NTRK2: variants seen among roughly 807,000 people sequenced by gnomAD.
NTRK2 encodes BDNF/NT-3 growth factors receptor.
In NTRK2, 13 loss-of-function variants were observed where a neutral mutation model predicts 94.5. The observed-to-expected ratio is 0.14, with a 90% CI of 0.09 to 0.22. The LOEUF is 0.22. Ranked by LOEUF, NTRK2 falls within the 10% of genes least tolerant of loss-of-function variation. The probability of loss-of-function intolerance (pLI) is 1.00; values close to 1 mark genes in which losing one functional copy is unlikely to be tolerated. For missense variants in NTRK2, 639 were observed against 1,071.2 expected (o/e 0.60, Z 5.63); for synonymous variants, 372 against 407.4 (o/e 0.91, Z 1.05).
At chr9:84,847,239 G>A (rs550082229) in intron 12 of NTRK2, among the ~76,000 whole-genome samples, 17 of 152,308 alleles carry the variant, frequency 1.1e-4, no homozygotes, top group African/African-American at 3.8e-4. Context: ...TTGGGTGCAT[G>A]AAAGGACTCC....
rs534541903 is a variant in NTRK2, at chr9:84,706,536, T to G, written c.360-1308T>G. Among the ~76,000 whole-genome samples the G allele has an allele frequency of 6.0e-4, 77 of 129,360 alleles. 2 individuals are homozygous for G. The East Asian group carries it at 0.016, about 28-fold the overall frequency. 84.9% of individuals were successfully genotyped at this position (129,360 alleles called of 152,430 possible). On this transcript the variant is annotated intron_variant, in intron 4 of 18. Coordinates refer to ENST00000277120, the MANE Select transcript of NTRK2 (RefSeq NM_006180.6). ...GTTATTTTTTGTTTTTGTTTTTTTT[T>G]TTTTTTTTTTTGAGACGGAGTCTTG...
chr9:84,926,862 T>TGTCCTTATGATAAGAACTGTGGA (rs2077840656), intron 14 of NTRK2, among the ~76,000 whole-genome samples: 1 of 152,254 alleles, frequency 6.6e-6, no homozygotes, highest in Non-Finnish European at 1.5e-5. Context: ...TTTATTTTAA[T>TGTCCTTATGATAAGAACTGTGGA]GTCCTTATGA....
intron 17 of NTRK2, among the ~76,000 whole-genome samples, chr9:84,989,767 A>C (rs1279681339): frequency 6.6e-6 from 1 of 151,972 alleles, no homozygotes; most frequent in Non-Finnish European, 1.5e-5. Flanking sequence ...TTGCTTTGAA[A>C]ATGTCTTTTT....
intron 14 of NTRK2, among the ~76,000 whole-genome samples, chr9:84,906,266 A>C (rs2077072697): frequency 6.6e-6 from 1 of 152,142 alleles, no homozygotes; most frequent in Admixed American, 6.5e-5. Flanking sequence ...GAGATGAGGA[A>C]AAAGGGGAAG....
In NTRK2 at chr9:84,670,744, T is replaced by C. The variant is rs2058647971; in HGVS notation, c.-5T>C. On this transcript the variant is annotated 5_prime_UTR_variant, in exon 2 of 19. Coordinates refer to ENST00000277120, the MANE Select transcript of NTRK2 (RefSeq NM_006180.6). ...AGGCACTCGGGCTGGCACTGGCTGC[T>C]AGGGATGTCGTCCTGGATAAGGTGG... The C allele has an allele frequency of 6.2e-7, 1 of 1,611,974 alleles. No homozygotes were observed. Among genetic ancestry groups the C allele is most frequent in the Admixed American group, 1.7e-5 (1 of 60,002 alleles).
intron 14 of NTRK2, 40 bp downstream of exon 14, chr9:84,867,471 A>G (rs1271673748): frequency 1.3e-6 from 2 of 1,532,378 alleles, no homozygotes; most frequent in Non-Finnish European, 1.8e-6. Flanking sequence ...CATTTGCTGC[A>G]TAGCTGTATC....
intron 12 of NTRK2, among the ~76,000 whole-genome samples, chr9:84,836,130 G>A (rs1564369608): frequency 6.6e-6 from 1 of 152,174 alleles, no homozygotes; most frequent in Non-Finnish European, 1.5e-5. Context: ...TAGCCTTATG[G>A]CAGAAGTAAA....
intron 12 of NTRK2, among the ~76,000 whole-genome samples, chr9:84,843,255 T>G (rs1001656669): frequency 6.6e-6 from 1 of 152,210 alleles, no homozygotes; most frequent in African/African-American, 2.4e-5. Context: ...GTAGTTATTA[T>G]GCCTGCAGGT....
At chr9:84,854,543 TAGAG>T (rs1370139138) in intron 12 of NTRK2, among the ~76,000 whole-genome samples, 1 of 152,008 alleles carries the variant, frequency 6.6e-6, no homozygotes, top group East Asian at 1.9e-4. Flanking sequence ...AATGAGATGA[TAGAG>T]AGTGGAAAGG....
chr9:84,756,056 T>C (rs531818342), intron 12 of NTRK2, among the ~76,000 whole-genome samples: 2 of 152,330 alleles, frequency 1.3e-5, no homozygotes, highest in African/African-American at 2.4e-5. Flanking sequence ...GTAGGGCTTA[T>C]TCATACATAT....
intron 2 of NTRK2, among the ~76,000 whole-genome samples, chr9:84,692,604 G>C (rs937218063): frequency 2.0e-5 from 3 of 151,556 alleles, no homozygotes; most frequent in Admixed American, 6.6e-5. Flanking sequence ...TGAAAGCAGG[G>C]ATTACAGGCA....
intron 14 of NTRK2, chr9:84,875,016 G>T: frequency 9.5e-7 from 1 of 1,057,262 alleles, no homozygotes; most frequent in Middle Eastern, 4.2e-4. Flanking sequence ...TAGAAAACCT[G>T]GAAAACATAA....
Position 84,906,450 on chromosome 9 carries a change from G to A in NTRK2, c.1634-27712G>A, listed in dbSNP as rs751991205. Among the ~76,000 whole-genome samples the A allele has an allele frequency of 2.9e-4, 44 of 152,198 alleles. 1 individual carries two copies. The highest frequency in any genetic ancestry group is 3.3e-4 in the Admixed American group (5 of 15,288). On this transcript the variant is annotated intron_variant, in intron 14 of 18. Transcript: ENST00000277120. ...GCAGCTTCAGCAGAGCAGTGGGAGC[G>A]AGCTGACTGCTAGGGTATGGGTTGA... is the stretch of plus-strand genomic sequence containing the variant.
At chr9:84,673,724 T>G (rs1415112579) in intron 2 of NTRK2, among the ~76,000 whole-genome samples, 1 of 152,246 alleles carries the variant, frequency 6.6e-6, no homozygotes, top group Non-Finnish European at 1.5e-5. Flanking sequence ...TGCTTTCAGC[T>G]AAGCTGACAT....
chr9:84,675,877 A>G (rs1269581218), intron 2 of NTRK2, among the ~76,000 whole-genome samples: 2 of 152,126 alleles, frequency 1.3e-5, no homozygotes, highest in Non-Finnish European at 1.5e-5. Context: ...GTCCCATATA[A>G]CTGGGTGCCT....
chr9:84,944,175 CA>C (rs1032501834), intron 15 of NTRK2, among the ~76,000 whole-genome samples: 5 of 141,594 alleles, frequency 3.5e-5, no homozygotes, highest in African/African-American at 1.3e-4. Context: ...GTTGGCGTTT[CA>C]AAAAAGAAAA....
chr9:84,954,119 T>C (rs948769063), intron 16 of NTRK2, among the ~76,000 whole-genome samples: 2 of 152,260 alleles, frequency 1.3e-5, no homozygotes, highest in African/African-American at 4.8e-5. Context: ...TACTTTAACA[T>C]TTATGCAGAA....
chr9:84,873,087 C>G (rs201981911), intron 14 of NTRK2: 1 of 1,064,258 alleles, frequency 9.4e-7, no homozygotes, highest in Non-Finnish European at 1.1e-6. Context: ...TCAGAGTTAC[C>G]AGAGATTATC....
intron 14 of NTRK2, among the ~76,000 whole-genome samples, chr9:84,893,439 T>A (rs2076654298): frequency 6.6e-6 from 1 of 152,158 alleles, no homozygotes; most frequent in African/African-American, 2.4e-5. Flanking sequence ...CAGGAGTCAG[T>A]TCTGACTGCC....
Sources: allele counts gnomAD v4.1 joint callset (sites outside exome capture counted in the v4.1 genomes callset), GRCh38; gene constraint gnomAD v4.1.1; transcripts MANE v1.5; gene names NCBI Gene and HGNC (gene_info 2026-07-23, HGNC 2026-07-21).